NDUFA5: variants seen among roughly 807,000 people sequenced by gnomAD.
NDUFA5 encodes NADH:ubiquinone oxidoreductase subunit A5.
In NDUFA5, 11 loss-of-function variants were observed where a neutral mutation model predicts 19.8. The observed-to-expected ratio is 0.56, with a 90% CI of 0.35 to 0.92. The LOEUF is 0.92. Among genes scored for constraint, NDUFA5 ranks in the 40% least tolerant of loss-of-function variants. The pLI is 0.01. For synonymous variants in NDUFA5, 47 were observed against 46.8 expected (o/e 1.00, Z -0.01); for missense variants, 109 against 134.2 (o/e 0.81, Z 0.93).
rs1454789412 is a variant in NDUFA5, at chr7:123,550,470, C to T, written c.183G>A (p.Ala61=). The change falls in exon 3 of 5, where the codon GCG becomes GCA. Residue 61 remains alanine, a splice_region_variant and synonymous_variant. Coordinates refer to ENST00000355749, the MANE Select transcript of NDUFA5 (RefSeq NM_005000.5). The part of the protein sequence containing the change: ...ITNEKLAMVK[A]EPDVKKLEDQ... Reference sequence around the variant, plus strand: ...CAACAAAACTGACTTAGCTACTTACCGCTTTAACCATAGCCAGCTTCTCAT... The same window carrying T: ...CAACAAAACTGACTTAGCTACTTACTGCTTTAACCATAGCCAGCTTCTCAT... The T allele has an allele frequency of 1.0e-5, 16 of 1,533,908 alleles. No homozygotes were observed. The highest frequency in any genetic ancestry group is 1.4e-5 in the African/African-American group (1 of 70,224).
At chr7:123,576,331 TTG>T in the NDUFA5 span, among the ~76,000 whole-genome samples, 3 of 151,908 alleles carry the variant, frequency 2.0e-5, no homozygotes, top group East Asian at 5.8e-4. Context: ...ATATATGAAG[TTG>T]TGTTTTTTGT....
rs1797903649 is a variant in NDUFA5, at chr7:123,540,852, A to C, written c.*1267T>G. Reference sequence around the variant, plus strand: ...TATACTGGAAAGAAGGAAAAATACCATTTTTTTCTCATTCTGAGCAAATGT... The same window carrying C: ...TATACTGGAAAGAAGGAAAAATACCCTTTTTTTCTCATTCTGAGCAAATGT... On this transcript the variant is annotated 3_prime_UTR_variant, in exon 5 of 5. Coordinates refer to ENST00000355749, the MANE Select transcript of NDUFA5 (RefSeq NM_005000.5). 6.8e-6 allele frequency: 1 copy of C among 147,738 alleles called. No homozygotes were observed. Among genetic ancestry groups the C allele is most frequent in the African/African-American group, 2.5e-5 (1 of 39,666 alleles). The allele number at this position is 147,738 out of a possible 1,614,324, so 9.2% of individuals were successfully genotyped here. A position where few individuals can be genotyped will look rare whatever the true frequency, so the allele number is the denominator to read the frequency against.
At chr7:123,555,127 C>T (rs1584702499) in intron 2 of NDUFA5, 1 of 152,272 alleles carries the variant, frequency 6.6e-6, no homozygotes, top group East Asian at 1.9e-4. Flanking sequence ...GTACAGGACA[C>T]ATAAGGAAAT....
At chr7:123,574,970 T>G in the NDUFA5 span, among the ~76,000 whole-genome samples, 4 of 151,990 alleles carry the variant, frequency 2.6e-5, no homozygotes, top group Non-Finnish European at 5.9e-5. Flanking sequence ...TGGAGACAGA[T>G]GTAAGACTCC....
chr7:123,586,818 T>A, the NDUFA5 span, among the ~76,000 whole-genome samples: 226 of 151,860 alleles, frequency 1.5e-3, no homozygotes, highest in African/African-American at 5.2e-3. Context: ...CGTTTCCTCA[T>A]TGTGTATTTT....
chr7:123,579,050 C>T, the NDUFA5 span, among the ~76,000 whole-genome samples: 1 of 152,100 alleles, frequency 6.6e-6, no homozygotes, highest in South Asian at 2.1e-4. Context: ...CAACCTTTGC[C>T]CCTCTCGCTC....
intron 2 of NDUFA5, 44 bp downstream of exon 2, chr7:123,557,360 C>T: frequency 3.7e-6 from 6 of 1,612,594 alleles, no homozygotes; most frequent in Non-Finnish European, 5.1e-6. Context: ...GGAATTTAGT[C>T]TTCCTTGGGA....
rs1797958806 is a variant in NDUFA5, at chr7:123,542,045, A to G, written c.*74T>C. On this transcript the variant is annotated 3_prime_UTR_variant, in exon 5 of 5. Coordinates refer to ENST00000355749, the MANE Select transcript of NDUFA5 (RefSeq NM_005000.5). The stretch of plus-strand genomic sequence containing the variant: ...TTCTTGATTACAAAATGTCAGTAAT[A>G]AGAACACGCTCTTAATATAACAGAA... 4 of 1,047,308 alleles carry G rather than the reference A, an allele frequency of 3.8e-6. No homozygotes were observed. Among genetic ancestry groups the G allele is most frequent in the Non-Finnish European group, 5.5e-6 (4 of 731,454 alleles). The allele number at this position is 1,047,308 out of a possible 1,614,324, so 64.9% of individuals were successfully genotyped here. A position where few individuals can be genotyped will look rare whatever the true frequency, so the allele number is the denominator to read the frequency against.
At chr7:123,576,418 G>A in the NDUFA5 span, among the ~76,000 whole-genome samples, 1 of 152,042 alleles carries the variant, frequency 6.6e-6, no homozygotes, top group Non-Finnish European at 1.5e-5. Flanking sequence ...TTCCATGTGT[G>A]TGTGATTCAT....
At chr7:123,580,299 G>T in the NDUFA5 span, among the ~76,000 whole-genome samples, 3 of 152,034 alleles carry the variant, frequency 2.0e-5, no homozygotes, top group Non-Finnish European at 2.9e-5. Context: ...GTTCTCTGTT[G>T]CACTGCTTTT....
chr7:123,546,733 C>G, intron 3 of NDUFA5: 1 of 1,266,802 alleles, frequency 7.9e-7, no homozygotes, highest in East Asian at 5.6e-5. Flanking sequence ...GTATCTGCAT[C>G]ACTTGTTTCT....
upstream of NDUFA5, among the ~76,000 whole-genome samples, chr7:123,562,373 T>G (rs148671381): frequency 6.8e-4 from 103 of 152,326 alleles, 1 homozygote; most frequent in African/African-American, 2.4e-3. Context: ...AAGCCAGGTG[T>G]TGACTTGTCC....
At chr7:123,572,081 C>T in the NDUFA5 span, among the ~76,000 whole-genome samples, 23 of 149,272 alleles carry the variant, frequency 1.5e-4, no homozygotes, top group Non-Finnish European at 3.0e-4. Context: ...AGCCAGTGTG[C>T]CAGACCAGTT....
chr7:123,552,508 G>A (rs989890808), intron 2 of NDUFA5, among the ~76,000 whole-genome samples: 1 of 151,916 alleles, frequency 6.6e-6, no homozygotes, highest in Non-Finnish European at 1.5e-5. Flanking sequence ...CCAGGGGAGG[G>A]ATAGCATTAG....
At chr7:123,578,883 C>A in the NDUFA5 span, among the ~76,000 whole-genome samples, 2 of 152,044 alleles carry the variant, frequency 1.3e-5, no homozygotes, top group African/African-American at 4.8e-5. Context: ...AAACCTATGA[C>A]AATGTAATTT....
At chr7:123,562,670 C>T (rs953397395), upstream of NDUFA5, among the ~76,000 whole-genome samples, 2 of 152,168 alleles carry the variant, frequency 1.3e-5, no homozygotes, top group African/African-American at 4.8e-5. Flanking sequence ...TGAAGAGAGT[C>T]AGGGCCTTGC....
the NDUFA5 span, among the ~76,000 whole-genome samples, chr7:123,589,161 T>C: frequency 6.6e-5 from 10 of 151,820 alleles, no homozygotes; most frequent in Admixed American, 6.6e-4. Flanking sequence ...CCTACTATTA[T>C]TGTCTATTTC....
rs56974030 is a variant in NDUFA5 at position 123,540,890 on chromosome 7, GCA to G, written c.*1227_*1228del. The G allele has an allele frequency of 0.092, 12,261 of 133,710 alleles. 534 individuals are homozygous for G. The highest frequency in any genetic ancestry group is 0.13 in the Middle Eastern group (36 of 276). The allele number at this position is 133,710 out of a possible 1,614,324, so 8.3% of individuals were successfully genotyped here. ...TCTGAGCAAATGTGCGCATGCGCGT[GCA>G]CACACACACACACACACACACACAC... On this transcript the variant is annotated 3_prime_UTR_variant, in exon 5 of 5. Coordinates refer to ENST00000355749, the MANE Select transcript of NDUFA5 (RefSeq NM_005000.5).
chr7:123,582,786 A>C, the NDUFA5 span, among the ~76,000 whole-genome samples: 1 of 152,002 alleles, frequency 6.6e-6, no homozygotes, highest in Non-Finnish European at 1.5e-5. Flanking sequence ...CCACTGACTG[A>C]GAGTAAGAAC....
Sources: allele counts gnomAD v4.1 joint callset (sites outside exome capture counted in the v4.1 genomes callset), GRCh38; gene constraint gnomAD v4.1.1; transcripts MANE v1.5; gene names NCBI Gene and HGNC (gene_info 2026-07-23, HGNC 2026-07-21).